The following NR3C2 variants were observed in gnomAD, a reference collection of about 807,000 sequenced individuals.
NR3C2 encodes nuclear receptor subfamily 3 group C member 2.
In NR3C2, 15 loss-of-function variants were observed where a neutral mutation model predicts 86.4. That is an observed-to-expected ratio of 0.17 (90% CI 0.12 to 0.27). The LOEUF is 0.27. Ranked by LOEUF, NR3C2 falls within the 10% of genes least tolerant of loss-of-function variation. The pLI, the probability that NR3C2 is intolerant of heterozygous loss-of-function variation, is 1.00. For synonymous variants in NR3C2, 458 were observed against 450.5 expected (o/e 1.02, Z -0.21); for missense variants, 960 against 1,195.6 (o/e 0.80, Z 2.91).
chr4:148,213,619 G>C (rs1737388168), intron 3 of NR3C2, among the ~76,000 whole-genome samples: 2 of 151,470 alleles, frequency 1.3e-5, no homozygotes, highest in Non-Finnish European at 2.9e-5. Context: ...CAATCTAATA[G>C]TTTAAGAAGA....
Position 148,153,186 on chromosome 4 carries a change from T to C in NR3C2, c.2366-573A>G, listed in dbSNP as rs1734183433. On this transcript the variant is annotated intron_variant, in intron 5 of 8. Coordinates refer to ENST00000358102, the MANE Select transcript of NR3C2 (RefSeq NM_000901.5). ...CTCAAGCTCTTCTTTTGTTCTTTATTTTATTTATTTATTTTTTAAGATGGA... is the reference window on the plus strand; with the variant it reads ...CTCAAGCTCTTCTTTTGTTCTTTATCTTATTTATTTATTTTTTAAGATGGA... 3.3e-5 allele frequency among the ~76,000 whole-genome samples: 5 copies of C among 151,560 alleles called. No homozygotes were observed. The South Asian group carries it at 1.0e-3, about 32-fold the overall frequency.
At chr4:148,229,500 A>AT (rs1459051861) in intron 3 of NR3C2, among the ~76,000 whole-genome samples, 1 of 152,158 alleles carries the variant, frequency 6.6e-6, no homozygotes, top group Non-Finnish European at 1.5e-5. Flanking sequence ...GTGTATGCCA[A>AT]TTTTGGAACT....
chr4:148,110,135 T>C lies in NR3C2; in HGVS notation c.2799+3969A>G, dbSNP rs112212415. ...AGTATCCTTACCACAGCTGCTTTGT[T>C]TGAAATATTTTTTTGGGGAAAGATT... On this transcript the variant is annotated intron_variant, in intron 8 of 8. Coordinates refer to ENST00000358102, the MANE Select transcript of NR3C2 (RefSeq NM_000901.5). 4.1e-3 allele frequency among the ~76,000 whole-genome samples: 620 copies of C among 152,336 alleles called. 3 individuals are homozygous for C. Among genetic ancestry groups the C allele is most frequent in the African/African-American group, 0.014 (596 of 41,576 alleles).
At chr4:148,137,890 C>A (rs953521865) in intron 6 of NR3C2, among the ~76,000 whole-genome samples, 1 of 152,082 alleles carries the variant, frequency 6.6e-6, no homozygotes, top group Non-Finnish European at 1.5e-5. Context: ...CCATTCTTCT[C>A]ACTTTTTTTG....
At position 148,306,889 on chromosome 4, in the gene NR3C2, A is replaced by G. The variant is rs974272817; in HGVS notation, c.1758-46772T>C. ...TATAGTGGATAAACTCATAGTTAAA[A>G]GATAATATTGTTTACAACTATGTGT... On this transcript the variant is annotated intron_variant, in intron 2 of 8. Transcript: ENST00000358102. Among the ~76,000 whole-genome samples the G allele has an allele frequency of 3.3e-5, 5 of 152,310 alleles. No individual in the cohort carries two copies. The East Asian group carries it at 9.6e-4, about 29-fold the overall frequency.
At chr4:148,289,312 C>G (rs10021848) in intron 2 of NR3C2, among the ~76,000 whole-genome samples, 42,048 of 149,432 alleles carry the variant, frequency 0.28, 5,955 homozygotes, top group Middle Eastern at 0.43. Flanking sequence ...ATATGACAGC[C>G]AACAACTCTG....
At chr4:148,323,538 G>T (rs1271115464) in intron 2 of NR3C2, among the ~76,000 whole-genome samples, 2 of 116,148 alleles carry the variant, frequency 1.7e-5, no homozygotes, top group Non-Finnish European at 3.9e-5. Flanking sequence ...GAGACTCCGT[G>T]AGTGTAGGAC....
At chr4:148,266,230 G>A (rs769935324) in intron 2 of NR3C2, among the ~76,000 whole-genome samples, 4 of 151,966 alleles carry the variant, frequency 2.6e-5, no homozygotes, top group South Asian at 2.1e-4. Flanking sequence ...GCGCCACCAC[G>A]CCCAGCTAAT....
intron 2 of NR3C2, among the ~76,000 whole-genome samples, chr4:148,327,238 T>C (rs1365984913): frequency 6.6e-6 from 1 of 152,202 alleles, no homozygotes; most frequent in Non-Finnish European, 1.5e-5. Context: ...AATGCAGCAC[T>C]GATTTGTCTG....
intron 8 of NR3C2, among the ~76,000 whole-genome samples, chr4:148,111,547 G>A (rs1471021464): frequency 6.6e-6 from 1 of 152,312 alleles, no homozygotes; most frequent in African/African-American, 2.4e-5. Flanking sequence ...GGCTTTATTT[G>A]TAATAGCCTC....
chr4:148,166,936 A>G (rs1262889967), intron 4 of NR3C2, among the ~76,000 whole-genome samples: 2 of 152,132 alleles, frequency 1.3e-5, no homozygotes, highest in Non-Finnish European at 2.9e-5. Context: ...ATTCACATTT[A>G]AATTGCTATT....
intron 2 of NR3C2, among the ~76,000 whole-genome samples, chr4:148,331,732 T>C (rs1270526345): frequency 6.6e-6 from 1 of 152,184 alleles, no homozygotes; most frequent in Non-Finnish European, 1.5e-5. Context: ...ATTCTGATGT[T>C]TCACATCCAG....
chr4:148,160,087 T>C (rs144305558), intron 4 of NR3C2, among the ~76,000 whole-genome samples: 63 of 152,316 alleles, frequency 4.1e-4, no homozygotes, highest in Middle Eastern at 3.4e-3. Flanking sequence ...TTGTTCTACC[T>C]GGATGTTATA....
chr4:148,178,064 G>A (rs1209790828), intron 4 of NR3C2, among the ~76,000 whole-genome samples: 4 of 152,216 alleles, frequency 2.6e-5, no homozygotes, highest in South Asian at 2.1e-4. Context: ...AGGGCTGGGC[G>A]CAGTGGCTCA....
At chr4:148,308,263 G>A (rs1054002905) in intron 2 of NR3C2, among the ~76,000 whole-genome samples, 8 of 151,962 alleles carry the variant, frequency 5.3e-5, no homozygotes, top group African/African-American at 1.2e-4. Flanking sequence ...CAACAGCAGC[G>A]TCCGTATTAA....
At chr4:148,326,593 T>C (rs1444825090) in intron 2 of NR3C2, among the ~76,000 whole-genome samples, 3 of 152,116 alleles carry the variant, frequency 2.0e-5, no homozygotes, top group Non-Finnish European at 4.4e-5. Flanking sequence ...CATTATTTTA[T>C]TGTTTTAATA....
chr4:148,201,928 T>C (rs888646794), intron 3 of NR3C2, among the ~76,000 whole-genome samples: 1 of 152,072 alleles, frequency 6.6e-6, no homozygotes, highest in African/African-American at 2.4e-5. Flanking sequence ...CAGGGAGAGT[T>C]AGATATGAGA....
intron 2 of NR3C2, among the ~76,000 whole-genome samples, chr4:148,327,113 T>C (rs946805046): frequency 1.3e-5 from 2 of 152,124 alleles, no homozygotes; most frequent in East Asian, 1.9e-4. Flanking sequence ...TAAAATTAAA[T>C]TGGAAAAAGA....
In NR3C2 at chr4:148,309,574, A is replaced by G. The variant is rs536889194; in HGVS notation, c.1758-49457T>C. On this transcript the variant is annotated intron_variant, in intron 2 of 8. Coordinates refer to ENST00000358102, the MANE Select transcript of NR3C2 (RefSeq NM_000901.5). Reference sequence around the variant, plus strand: ...GCAGTGTTTTTATGAATAGAATTAGACTTCAGAATCTTCATATTCTCTCTT... The same window carrying G: ...GCAGTGTTTTTATGAATAGAATTAGGCTTCAGAATCTTCATATTCTCTCTT... 1.6e-4 allele frequency among the ~76,000 whole-genome samples: 9 copies of G among 57,416 alleles called. No individual in the cohort carries two copies. The East Asian group carries it at 6.3e-3, about 40-fold the overall frequency. The allele number at this position is 57,416 out of a possible 152,430, so 37.7% of individuals were successfully genotyped here. A position where few individuals can be genotyped will look rare whatever the true frequency, so the allele number is the denominator to read the frequency against.
Sources: gnomAD v4.1 joint callset for allele counts (sites outside exome capture counted in the v4.1 genomes callset) on GRCh38, gnomAD v4.1.1 for gene constraint, MANE v1.5 for transcripts, NCBI Gene and HGNC (gene_info 2026-07-23, HGNC 2026-07-21) for gene names.